Variants in GPR37 observed in about 807,000 individuals in gnomAD.
The protein encoded by GPR37 is prosaposin receptor GPR37.
Under a neutral mutation model 43.6 loss-of-function variants are expected in GPR37, and 20 were observed. That is an observed-to-expected ratio of 0.46 (90% CI 0.32 to 0.67). The LOEUF (loss-of-function observed/expected upper bound fraction) is 0.67. GPR37 is among the 30% of genes least tolerant of loss of function. GPR37 has a pLI of 0.03. For missense variants in GPR37, 724 were observed against 797.2 expected (o/e 0.91, Z 1.11); for synonymous variants, 315 against 322.6 (o/e 0.98, Z 0.25).
At chr7:124,753,205 A>G (rs931204482) in intron 1 of GPR37, among the ~76,000 whole-genome samples, 28 of 152,052 alleles carry the variant, frequency 1.8e-4, no homozygotes, top group African/African-American at 6.8e-4. Context: ...TTGGAGATTT[A>G]TAAGATACTG....
Position 124,764,395 on chromosome 7 carries a change from G to A in GPR37, c.582C>T (p.His194=), listed in dbSNP as rs781548829. The A allele has an allele frequency of 2.5e-6, 4 of 1,613,604 alleles. No homozygotes were observed. In the African/African-American group the frequency reaches 4.0e-5, roughly 16 times the overall value. Reference sequence around the variant, plus strand: ...CATTGGCCGTCTTGGACAGGGGCTTGTGGTGGGAACCCTGGAGTTTCCCGG... The same window carrying A: ...CATTGGCCGTCTTGGACAGGGGCTTATGGTGGGAACCCTGGAGTTTCCCGG... ...RRAGKLQGSH[H]KPLSKTANGL... is the part of the protein sequence containing the mutation. The change falls in exon 1 of 2, where the codon CAC becomes CAT. Residue 194 remains histidine (H), a synonymous_variant. Transcript: ENST00000303921. The surrounding 1 kb of genome is among the most constrained non-coding windows in gnomAD (Gnocchi z 5.4).
At chr7:124,755,460 C>A (rs1793781482) in intron 1 of GPR37, among the ~76,000 whole-genome samples, 1 of 152,098 alleles carries the variant, frequency 6.6e-6, no homozygotes, top group Admixed American at 6.5e-5. Flanking sequence ...CATATTCTCC[C>A]AAAACTTGTC....
chr7:124,765,159 A>T lies in GPR37; in HGVS notation c.-183T>A. The T allele has an allele frequency of 7.8e-6, 4 of 513,848 alleles. No individual in the cohort carries two copies. The highest frequency in any genetic ancestry group is 1.3e-5 in the Non-Finnish European group (4 of 301,906). The allele number at this position is 513,848 out of a possible 1,614,324, so 31.8% of individuals were successfully genotyped here. On this transcript the variant is annotated 5_prime_UTR_variant, in exon 1 of 2. It introduces an in-frame stop codon into an upstream open reading frame of the 5' UTR. Transcript: ENST00000303921. Reference sequence around the variant, plus strand: ...TGGGGGTCACACACACGCCCCCTATAATCCTTCCTCCTTTGGCATCTTGTG... The same window carrying T: ...TGGGGGTCACACACACGCCCCCTATTATCCTTCCTCCTTTGGCATCTTGTG...
chr7:124,748,127 G>A lies in GPR37; in HGVS notation c.1024-784C>T, dbSNP rs142590970. ...AAACAGAGCTGGGGCCAATGTGGGT[G>A]GGGATTGGGTCAAAGACTCCCTGTG... On this transcript the variant is annotated intron_variant, in intron 1 of 1. Coordinates refer to ENST00000303921, the MANE Select transcript of GPR37 (RefSeq NM_005302.5). 8.6e-4 allele frequency among the ~76,000 whole-genome samples: 131 copies of A among 152,182 alleles called. 1 individual carries two copies. Among genetic ancestry groups the A allele is most frequent in the African/African-American group, 2.9e-3 (121 of 41,526 alleles).
intron 1 of GPR37, among the ~76,000 whole-genome samples, chr7:124,763,003 G>A (rs777794671): frequency 2.4e-4 from 37 of 152,196 alleles, no homozygotes; most frequent in Non-Finnish European, 5.1e-4. Context: ...AAGAGCTGGT[G>A]TTTAAAGAGA....
intron 1 of GPR37, among the ~76,000 whole-genome samples, chr7:124,747,849 G>A (rs1054572392): frequency 3.3e-5 from 5 of 152,044 alleles, no homozygotes; most frequent in Non-Finnish European, 5.9e-5. Flanking sequence ...TGATTGGAGG[G>A]CTCCTCCAAT....
intron 1 of GPR37, among the ~76,000 whole-genome samples, chr7:124,756,240 G>GA (rs1392625906): frequency 1.3e-5 from 2 of 151,976 alleles, no homozygotes; most frequent in African/African-American, 4.8e-5. Context: ...TATTTTGACA[G>GA]AAAAAAAGAA....
chr7:124,752,114 C>T (rs1308256990), intron 1 of GPR37, among the ~76,000 whole-genome samples: 1 of 152,086 alleles, frequency 6.6e-6, no homozygotes, highest in South Asian at 2.1e-4. Flanking sequence ...AACAATAAAG[C>T]TCCTTCAGCT....
intron 1 of GPR37, among the ~76,000 whole-genome samples, chr7:124,760,999 T>C (rs1793844677): frequency 6.6e-6 from 1 of 151,514 alleles, no homozygotes. Context: ...CTACTAAAAA[T>C]ACAAAAAAAA....
chr7:124,757,865 G>A (rs1260573929), intron 1 of GPR37, among the ~76,000 whole-genome samples: 1 of 151,996 alleles, frequency 6.6e-6, no homozygotes, highest in African/African-American at 2.4e-5. Flanking sequence ...AGAAAAGCCA[G>A]GTAAACATTT....
rs561202041 is a variant in GPR37 at position 124,762,583 on chromosome 7, C to T, written c.1023+1371G>A. The stretch of plus-strand genomic sequence containing the variant: ...AACATGAGTTCAACTGGCTCCTTCA[C>T]AATTCAAAAATGAATTGTCTACCAA... On this transcript the variant is annotated intron_variant, in intron 1 of 1. Coordinates refer to ENST00000303921, the MANE Select transcript of GPR37 (RefSeq NM_005302.5). 8.5e-5 allele frequency among the ~76,000 whole-genome samples: 13 copies of T among 152,226 alleles called. No individual in the cohort carries two copies. The East Asian group carries it at 2.3e-3, about 27-fold the overall frequency.
At chr7:124,763,643 C>G (rs1429324281) in intron 1 of GPR37, among the ~76,000 whole-genome samples, 2 of 151,358 alleles carry the variant, frequency 1.3e-5, no homozygotes, top group Non-Finnish European at 1.5e-5. Flanking sequence ...AAATCTCTGA[C>G]AAGTGCCAAA....
rs1401282366 is a variant in GPR37, at chr7:124,745,031, C to T, written c.*1494G>A. On this transcript the variant is annotated 3_prime_UTR_variant, in exon 2 of 2. Transcript: ENST00000303921. ...AATACACACAATGGAGGGAAAAACC[C>T]CTTTGAAAAGTATTGGACTGGGAAA... The T allele has an allele frequency of 6.6e-6, 1 of 152,142 alleles. No homozygotes were observed. The highest frequency in any genetic ancestry group is 2.4e-5 in the African/African-American group (1 of 41,442). 9.4% of individuals were successfully genotyped at this position (152,142 alleles called of 1,614,324 possible). A position where few individuals can be genotyped will look rare whatever the true frequency, so the allele number is the denominator to read the frequency against.
chr7:124,746,814 A>G lies in GPR37; in HGVS notation c.1553T>C (p.Met518Thr), dbSNP rs551314420. 21 of 1,614,114 alleles carry G rather than the reference A, an allele frequency of 1.3e-5. No homozygotes were observed. The South Asian group carries it at 2.3e-4, about 18-fold the overall frequency. Residue 518 changes from methionine (M) to threonine (T), a missense_variant, in exon 2 of 2, where the codon ATG becomes ACG. Physicochemically the swap from Met to Thr is moderately conservative, Grantham distance 81 (BLOSUM62 -1). This residue lies in a region of GPR37 where 342 missense variants were observed against 441.8 expected (regional missense o/e 0.77). Coordinates refer to ENST00000303921, the MANE Select transcript of GPR37 (RefSeq NM_005302.5). ...TGTCTGCTGTGAAACCCCTGTAGCC[A>G]TGTAGGCAGTAACAATGTTGCAGAT... ...ENICNIVTAY[M>T]ATGVSQQTMD... is the part of the protein sequence containing the mutation.
At chr7:124,757,333 T>C (rs1186700517) in intron 1 of GPR37, among the ~76,000 whole-genome samples, 1 of 152,240 alleles carries the variant, frequency 6.6e-6, no homozygotes, top group Non-Finnish European at 1.5e-5. Context: ...TAATAAGGAC[T>C]AATTGTAAAG....
intron 1 of GPR37, among the ~76,000 whole-genome samples, chr7:124,750,241 T>C (rs968211774): frequency 6.6e-6 from 1 of 152,180 alleles, no homozygotes; most frequent in Non-Finnish European, 1.5e-5. Context: ...CTCCTAAGTC[T>C]GTCAAAAACA....
chr7:124,764,014 G>T lies in GPR37; in HGVS notation c.963C>A (p.His321Gln). The T allele has an allele frequency of 6.2e-7, 1 of 1,614,106 alleles. No homozygotes were observed. Among genetic ancestry groups the T allele is most frequent in the East Asian group, 2.2e-5 (1 of 44,874 alleles). ...IFFCLPLVIF[H>Q]ELTKKWLLED... ...CCAGCAGCCACTTCTTGGTCAGCTC[G>T]TGGAAGATGACCAGCGGAAGGCAGA... Residue 321 changes from histidine (H) to glutamine (Q), a missense_variant, in exon 1 of 2, where the codon CAC (histidine) becomes CAA (glutamine). Physicochemically the swap from His to Gln is conservative, Grantham distance 24 (BLOSUM62 0). Coordinates refer to ENST00000303921, the MANE Select transcript of GPR37 (RefSeq NM_005302.5). The surrounding 1 kb of genome is among the most constrained non-coding windows in gnomAD (Gnocchi z 5.4).
At chr7:124,756,393 A>T (rs929116381) in intron 1 of GPR37, among the ~76,000 whole-genome samples, 1 of 152,180 alleles carries the variant, frequency 6.6e-6, no homozygotes, top group South Asian at 2.1e-4. Context: ...AACTATTACA[A>T]ATTCACAAAT....
chr7:124,764,635 G>A lies in GPR37; in HGVS notation c.342C>T (p.Thr114=). The A allele has an allele frequency of 1.3e-6, 2 of 1,588,804 alleles. No homozygotes were observed. The highest frequency in any genetic ancestry group is 2.7e-5 in the African/African-American group (2 of 74,208). Residue 114 remains threonine, a synonymous_variant, in exon 1 of 2, where the codon ACC becomes ACT. Transcript: ENST00000303921. The surrounding 1 kb of genome is among the most constrained non-coding windows in gnomAD (Gnocchi z 5.4). ...ASAAGPPGPP[T]RPPGPWRWKG... is the part of the protein sequence containing the mutation. ...TCCACCTCCAGGGGCCAGGTGGCCT[G>A]GTTGGAGGTCCCGGGGGTCCGGCTG... is the stretch of plus-strand genomic sequence containing the variant.
Sources: allele counts gnomAD v4.1 joint callset (sites outside exome capture counted in the v4.1 genomes callset), GRCh38; gene constraint gnomAD v4.1.1; regional missense constraint gnomAD v4.1.1; non-coding constraint Gnocchi (gnomAD v3.1); transcripts MANE v1.5; gene names NCBI Gene and HGNC (gene_info 2026-07-23, HGNC 2026-07-21).